LIMCH1: variants seen among roughly 807,000 people sequenced by gnomAD.
The protein encoded by LIMCH1 is LIM and calponin homology domains-containing protein 1.
In LIMCH1, 113 loss-of-function variants were observed where a neutral mutation model predicts 176.5. The ratio of observed to expected loss-of-function variants is 0.64; its 90% CI spans 0.55 to 0.75. The LOEUF (loss-of-function observed/expected upper bound fraction) is 0.75. Among genes scored for constraint, LIMCH1 ranks in the 30% least tolerant of loss-of-function variants. The pLI is 0.00. For synonymous variants in LIMCH1, 619 were observed against 645.9 expected (o/e 0.96, Z 0.63); for missense variants, 1,674 against 1,814.9 (o/e 0.92, Z 1.41).
intron 3 of LIMCH1, among the ~76,000 whole-genome samples, chr4:41,525,030 C>A (rs73233713): frequency 6.6e-6 from 1 of 152,312 alleles, no homozygotes; most frequent in Non-Finnish European, 1.5e-5. Context: ...CTGAACCTAT[C>A]CACATAAAAT....
At chr4:41,619,605 A>C in intron 6 of LIMCH1, 165 bp downstream of exon 6, 1 of 898,352 alleles carries the variant, frequency 1.1e-6, no homozygotes, top group Non-Finnish European at 1.6e-6. Flanking sequence ...GTCAGGAGAA[A>C]ATAGAAGCTT....
rs764848796 is a variant in LIMCH1, at chr4:41,697,214, C to T, written c.*29C>T. 6.2e-7 allele frequency: 1 copy of T among 1,610,868 alleles called. No individual in the cohort carries two copies. Among genetic ancestry groups the T allele is most frequent in the Non-Finnish European group, 8.5e-7 (1 of 1,177,236 alleles). ...GGCTTTCAAGCTTCCGGATCACTCACCATTTCTTTACTGAGAGTGTCCCCT... is the reference window on the plus strand; with the variant it reads ...GGCTTTCAAGCTTCCGGATCACTCATCATTTCTTTACTGAGAGTGTCCCCT... On this transcript the variant is annotated 3_prime_UTR_variant, in exon 32 of 32. Transcript: ENST00000503057.
chr4:41,616,784 A>G (rs1422821271), intron 5 of LIMCH1, among the ~76,000 whole-genome samples: 3 of 152,040 alleles, frequency 2.0e-5, no homozygotes, highest in Non-Finnish European at 4.4e-5. Context: ...TGATACCTGT[A>G]TTATCACCTC....
intron 1 of LIMCH1, among the ~76,000 whole-genome samples, chr4:41,446,991 G>A (rs1388985723): frequency 6.6e-6 from 1 of 152,210 alleles, no homozygotes; most frequent in Non-Finnish European, 1.5e-5. Context: ...CACTTTGGGA[G>A]GCTGAGGCAG....
At chr4:41,548,793 T>C (rs1201167797) in intron 1 of LIMCH1, among the ~76,000 whole-genome samples, 2 of 152,084 alleles carry the variant, frequency 1.3e-5, no homozygotes, top group Non-Finnish European at 2.9e-5. Context: ...TGGTTTCCAT[T>C]ATAATTCCAT....
chr4:41,587,214 C>A (rs2152705806), intron 1 of LIMCH1, among the ~76,000 whole-genome samples: 1 of 152,310 alleles, frequency 6.6e-6, no homozygotes, highest in East Asian at 1.9e-4. Flanking sequence ...ATCTGATCCA[C>A]TTTTGTGAGT....
At chr4:41,490,459 A>T (rs920608657) in intron 1 of LIMCH1, among the ~76,000 whole-genome samples, 6 of 151,978 alleles carry the variant, frequency 3.9e-5, no homozygotes, top group African/African-American at 4.8e-5. Flanking sequence ...TGGGTGCTTG[A>T]GGTTAGGGAG....
At chr4:41,486,692 T>G (rs1439175190) in intron 1 of LIMCH1, among the ~76,000 whole-genome samples, 1 of 152,164 alleles carries the variant, frequency 6.6e-6, no homozygotes, top group Admixed American at 6.5e-5. Context: ...AGGAATCACA[T>G]GGGGATCTTT....
At chr4:41,479,975 C>T (rs1371135994) in intron 1 of LIMCH1, among the ~76,000 whole-genome samples, 1 of 152,016 alleles carries the variant, frequency 6.6e-6, no homozygotes, top group Non-Finnish European at 1.5e-5. Flanking sequence ...CTTTTCTGAA[C>T]AAAAATTGCA....
chr4:41,508,335 G>A (rs1427894177), intron 2 of LIMCH1, among the ~76,000 whole-genome samples: 2 of 152,238 alleles, frequency 1.3e-5, no homozygotes, highest in Admixed American at 1.3e-4. Context: ...TGGTGTTTCA[G>A]TTGAGTGGGG....
At chr4:41,417,522 G>A (rs1274034920) in intron 1 of LIMCH1, among the ~76,000 whole-genome samples, 1 of 152,094 alleles carries the variant, frequency 6.6e-6, no homozygotes, top group Non-Finnish European at 1.5e-5. Flanking sequence ...AGATTTCTGA[G>A]GGAGTTTCTT....
At position 41,494,585 on chromosome 4, in the gene LIMCH1, A is replaced by G. The variant is rs184017148; in HGVS notation, c.146A>G (p.Glu49Gly). The stretch of plus-strand genomic sequence containing the variant: ...GATAAAGATTTTCGGACAGGTTTAG[A>G]AAATGGAATCCTCCTCTGCGAGTAA... The change falls in exon 2 of 27, where the codon GAA (glutamate) becomes GGA (glycine). Residue 49 changes from glutamate to glycine, a missense_variant. Glu to Gly is a moderately conservative substitution (Grantham distance 98). Transcript: ENST00000313860. 1.1e-5 allele frequency: 18 copies of G among 1,612,522 alleles called. No homozygotes were observed. The East Asian group carries it at 3.6e-4, about 32-fold the overall frequency.
intron 1 of LIMCH1, among the ~76,000 whole-genome samples, chr4:41,539,960 C>T (rs937799938): frequency 6.6e-6 from 1 of 152,248 alleles, no homozygotes; most frequent in Admixed American, 6.5e-5. Context: ...AAATGAATGA[C>T]CAGGATACTG....
At chr4:41,685,411 T>TA in intron 27 of LIMCH1, among the ~76,000 whole-genome samples, 1 of 152,184 alleles carries the variant, frequency 6.6e-6, no homozygotes. Context: ...TGTTCCAGGT[T>TA]ATAATTGCAT....
chr4:41,653,527 C>T (rs113492606), intron 18 of LIMCH1, among the ~76,000 whole-genome samples: 2,861 of 152,280 alleles, frequency 0.019, 42 homozygotes, highest in Non-Finnish European at 0.028. Context: ...TGTCTTTCTT[C>T]CAAAAACTGC....
At chr4:41,506,574 T>C (rs2074188181) in intron 2 of LIMCH1, among the ~76,000 whole-genome samples, 3 of 152,186 alleles carry the variant, frequency 2.0e-5, no homozygotes, top group Admixed American at 2.0e-4. Flanking sequence ...TGTAAACCAG[T>C]GTACGAGTAA....
chr4:41,457,598 C>T (rs547300361), intron 1 of LIMCH1, among the ~76,000 whole-genome samples: 1 of 152,012 alleles, frequency 6.6e-6, no homozygotes, highest in East Asian at 1.9e-4. Flanking sequence ...TAGCTTAGCC[C>T]AAATCATAGA....
At chr4:41,575,237 T>C (rs1584346661) in intron 1 of LIMCH1, among the ~76,000 whole-genome samples, 1 of 152,202 alleles carries the variant, frequency 6.6e-6, no homozygotes, top group Non-Finnish European at 1.5e-5. Flanking sequence ...TTTAAAGGCA[T>C]TGTGATTGAG....
At chr4:41,688,003 C>A in intron 29 of LIMCH1, 86 bp downstream of exon 29, 1 of 1,079,070 alleles carries the variant, frequency 9.3e-7, no homozygotes, top group Non-Finnish European at 1.4e-6. Context: ...TAGTGCTTGC[C>A]AAATGATTTT....
Sources: gnomAD v4.1 joint callset for allele counts (sites outside exome capture counted in the v4.1 genomes callset) on GRCh38, gnomAD v4.1.1 for gene constraint, MANE v1.5 for transcripts, NCBI Gene and HGNC (gene_info 2026-07-23, HGNC 2026-07-21) for gene names.